The following RASGEF1C variants were observed in gnomAD, a reference collection of about 807,000 sequenced individuals.
RASGEF1C encodes ras-GEF domain-containing family member 1C.
In RASGEF1C, 27 loss-of-function variants were observed where a neutral mutation model predicts 58.1. The observed-to-expected ratio is 0.46, with a 90% confidence interval of 0.34 to 0.64. The LOEUF (loss-of-function observed/expected upper bound fraction) is 0.64, where lower values mean the gene tolerates loss of function less well. Among genes scored for constraint, RASGEF1C ranks in the 30% least tolerant of loss-of-function variants. RASGEF1C has a pLI of 0.01. For missense variants in RASGEF1C, 502 were observed against 605.1 expected, an observed-to-expected ratio of 0.83 and a Z score of 1.79; for synonymous variants, 243 against 246.3, an observed-to-expected ratio of 0.99 and a Z score of 0.13.
intron 4 of RASGEF1C, among the ~76,000 whole-genome samples, chr5:180,134,749 CTGCTAT>C: frequency 6.9e-6 from 1 of 144,654 alleles, no homozygotes; most frequent in South Asian, 2.4e-4. Flanking sequence ...CTTCACCCAG[CTGCTAT>C]CACCCACCTC....
intron 1 of RASGEF1C, among the ~76,000 whole-genome samples, chr5:180,152,911 C>CAAAAAAAAAA (rs755521241): frequency 1.4e-5 from 1 of 71,704 alleles, no homozygotes; most frequent in African/African-American, 5.3e-5. Flanking sequence ...AACCCCATCT[C>CAAAAAAAAAA]AAAAAAAAAA....
At chr5:180,190,180 A>C (rs1756121531) in intron 1 of RASGEF1C, among the ~76,000 whole-genome samples, 1 of 151,644 alleles carries the variant, frequency 6.6e-6, no homozygotes, top group Non-Finnish European at 1.5e-5. Context: ...CACAGTGAGA[A>C]TCTGTCTCTA....
chr5:180,101,678 G>A (rs1269948849), intron 13 of RASGEF1C, among the ~76,000 whole-genome samples, 153 bp from the exon 14 acceptor site: 3 of 152,212 alleles, frequency 2.0e-5, no homozygotes, highest in South Asian at 2.1e-4. Flanking sequence ...CTCAGCCCTC[G>A]AAGTCCATTG....
intron 1 of RASGEF1C, among the ~76,000 whole-genome samples, chr5:180,190,303 C>T (rs886643998): frequency 5.5e-4 from 83 of 151,798 alleles, no homozygotes; most frequent in South Asian, 1.7e-3. Context: ...CTGGCTAACA[C>T]GGTGAAACCC....
At chr5:180,115,320 TC>T (rs1159686763) in intron 10 of RASGEF1C, 1 of 431,936 alleles carries the variant, frequency 2.3e-6, no homozygotes, top group Admixed American at 2.9e-5. Flanking sequence ...TAACAATTTG[TC>T]CCCCTCTGTC....
At chr5:180,182,194 G>C (rs1767347709) in intron 1 of RASGEF1C, among the ~76,000 whole-genome samples, 1 of 74,580 alleles carries the variant, frequency 1.3e-5, no homozygotes, top group African/African-American at 6.4e-5. Flanking sequence ...AACAGAGCAA[G>C]ACTCCGTCTC....
chr5:180,201,788 C>T (rs935279332), intron 1 of RASGEF1C, among the ~76,000 whole-genome samples: 6 of 152,174 alleles, frequency 3.9e-5, no homozygotes, highest in African/African-American at 7.2e-5. Flanking sequence ...GAGATTAGTG[C>T]CCTTAGAAAA....
chr5:180,101,302 G>T lies in RASGEF1C; in HGVS notation c.*199C>A. On this transcript the variant is annotated 3_prime_UTR_variant, in exon 14 of 14. Coordinates refer to ENST00000361132, the MANE Select transcript of RASGEF1C (RefSeq NM_175062.4). ...CGCACGTCTGGAGGCCCTGGGTCCT[G>T]CCAGGGCCAAAGTCCCATAAAAGGT... 5 of 617,146 alleles carry T rather than the reference G, an allele frequency of 8.1e-6. No individual in the cohort carries two copies. The South Asian group carries it at 1.0e-4, about 12-fold the overall frequency. 38.2% of individuals were successfully genotyped at this position (617,146 alleles called of 1,614,324 possible).
chr5:180,185,873 A>T (rs4512091), intron 1 of RASGEF1C, among the ~76,000 whole-genome samples: 1 of 151,820 alleles, frequency 6.6e-6, no homozygotes, highest in Non-Finnish European at 1.5e-5. Flanking sequence ...TAAGGCAGGC[A>T]CATAACTTGA....
chr5:180,180,492 A>C (rs1467681935), intron 1 of RASGEF1C, among the ~76,000 whole-genome samples: 1 of 152,160 alleles, frequency 6.6e-6, no homozygotes, highest in Admixed American at 6.5e-5. Flanking sequence ...GCAGTCTGAC[A>C]TGTGTGTACC....
intron 1 of RASGEF1C, among the ~76,000 whole-genome samples, chr5:180,149,714 A>T (rs975174050): frequency 1.3e-5 from 2 of 152,138 alleles, no homozygotes; most frequent in African/African-American, 2.4e-5. Flanking sequence ...TCGGCCTCCC[A>T]AAGTGCTGGG....
chr5:180,201,852 G>A (rs181127057), intron 1 of RASGEF1C, among the ~76,000 whole-genome samples: 132 of 152,306 alleles, frequency 8.7e-4, no homozygotes, highest in Non-Finnish European at 1.6e-3. Context: ...GTGAGGAGAG[G>A]AGCCATCTGC....
At chr5:180,183,713 C>A (rs1360722003) in intron 1 of RASGEF1C, among the ~76,000 whole-genome samples, 1 of 151,118 alleles carries the variant, frequency 6.6e-6, no homozygotes, top group Non-Finnish European at 1.5e-5. Context: ...AATTCAACTA[C>A]TTGGGAGGCT....
rs76288236 is a variant in RASGEF1C at position 180,159,677 on chromosome 5, C to G, written c.-6-21619G>C. ...TCTAGGTAGGCCATTTGGGGGAACT[C>G]TGATCCTGAAGTTGGGAGCACCCCC... On this transcript the variant is annotated intron_variant, in intron 1 of 13. Transcript: ENST00000361132. Among the ~76,000 whole-genome samples the G allele has an allele frequency of 6.9e-3, 1,047 of 152,294 alleles. 11 individuals are homozygous for G. The highest frequency in any genetic ancestry group is 0.024 in the African/African-American group (999 of 41,560).
chr5:180,174,275 G>A lies in RASGEF1C; in HGVS notation c.-7+34753C>T, dbSNP rs1767172220. Among the ~76,000 whole-genome samples, 3 of 152,120 alleles carry A rather than the reference G, an allele frequency of 2.0e-5. No homozygotes were observed. In the South Asian group the frequency reaches 6.2e-4, roughly 31 times the overall value. ...AACAAATTCGTCATCGTCTTTTCTG[G>A]GAAGAACGAGGGAAGATGAAGTCAT... On this transcript the variant is annotated intron_variant, in intron 1 of 13. Transcript: ENST00000361132.
intron 11 of RASGEF1C, among the ~76,000 whole-genome samples, chr5:180,113,875 T>TTGGGGATGGATGGAGGGAC: frequency 6.6e-6 from 1 of 151,760 alleles, no homozygotes; most frequent in African/African-American, 2.4e-5. Flanking sequence ...GATGGAGGGA[T>TTGGGGATGGATGGAGGGAC]CGAGGATGGA....
intron 1 of RASGEF1C, among the ~76,000 whole-genome samples, chr5:180,153,231 G>C (rs11249676): frequency 4.6e-5 from 7 of 152,248 alleles, no homozygotes; most frequent in African/African-American, 1.7e-4. Context: ...CTGCACATCC[G>C]TGCTCAGAGG....
intron 1 of RASGEF1C, among the ~76,000 whole-genome samples, chr5:180,176,818 A>G (rs950697316): frequency 2.0e-5 from 3 of 152,072 alleles, no homozygotes; most frequent in African/African-American, 4.8e-5. Context: ...GGCCTCCCAA[A>G]GTGCTGGGAT....
At position 180,134,693 on chromosome 5, in the gene RASGEF1C, C is replaced by T. The variant is rs148448111; in HGVS notation, c.438+1685G>A. Among the ~76,000 whole-genome samples the T allele has an allele frequency of 3.3e-5, 5 of 150,844 alleles. No individual in the cohort carries two copies. In the East Asian group the frequency reaches 1.0e-3, roughly 30 times the overall value. On this transcript the variant is annotated intron_variant, in intron 4 of 13. Transcript: ENST00000361132. ...AAATCCACTTGCCTACCCATCGGTC[C>T]ACCATTCACTTTCACTCATCCATCC...
Sources: allele counts gnomAD v4.1 joint callset (sites outside exome capture counted in the v4.1 genomes callset), GRCh38; gene constraint gnomAD v4.1.1; transcripts MANE v1.5; gene names NCBI Gene and HGNC (gene_info 2026-07-23, HGNC 2026-07-21).